Variants in FCHO2 observed in about 807,000 individuals in gnomAD.
FCHO2 encodes FCH and mu domain containing endocytic adaptor 2.
Under a neutral mutation model 114.1 loss-of-function variants are expected in FCHO2, and 43 were observed. That is an observed-to-expected ratio of 0.38 (90% confidence interval 0.30 to 0.49). The LOEUF is 0.49. Ranked by LOEUF, FCHO2 falls within the 20% of genes least tolerant of loss-of-function variation. The probability of loss-of-function intolerance (pLI) is 0.97; values close to 1 mark genes in which losing one functional copy is unlikely to be tolerated. For missense variants in FCHO2, 807 were observed against 950.4 expected (o/e 0.85, Z 1.98); for synonymous variants, 293 against 315.2 (o/e 0.93, Z 0.75).
intron 6 of FCHO2, among the ~76,000 whole-genome samples, chr5:73,011,553 A>G (rs1755014332): frequency 2.0e-5 from 3 of 152,058 alleles, no homozygotes; most frequent in African/African-American, 2.4e-5. Flanking sequence ...TATCATTAGG[A>G]TTGCTCTTTT....
intron 5 of FCHO2, among the ~76,000 whole-genome samples, chr5:73,003,980 G>A (rs890614888): frequency 2.0e-5 from 3 of 150,018 alleles, no homozygotes; most frequent in Admixed American, 1.3e-4. Context: ...TCCGGGAGGC[G>A]GAGGTTGCAG....
chr5:73,085,788 AT>A (rs1168429414), intron 24 of FCHO2, among the ~76,000 whole-genome samples: 3 of 11,616 alleles, frequency 2.6e-4, no homozygotes, highest in Non-Finnish European at 1.3e-3. Context: ...AAATAAATAA[AT>A]AAATAAATAA....
chr5:72,974,939 A>G (rs1752775408), intron 2 of FCHO2, among the ~76,000 whole-genome samples: 1 of 152,092 alleles, frequency 6.6e-6, no homozygotes, highest in South Asian at 2.1e-4. Context: ...TCTGTAAAGT[A>G]TTTTATTTCT....
At chr5:73,070,119 G>A (rs1407848908) in intron 19 of FCHO2, among the ~76,000 whole-genome samples, 1 of 152,066 alleles carries the variant, frequency 6.6e-6, no homozygotes, top group Non-Finnish European at 1.5e-5. Context: ...CCCTGGGAGT[G>A]GAACTAGCAG....
chr5:73,051,636 A>G (rs1194399266), intron 12 of FCHO2, among the ~76,000 whole-genome samples: 1 of 151,784 alleles, frequency 6.6e-6, no homozygotes. Flanking sequence ...GCACAATCTC[A>G]GCTCACTGCA....
Position 73,055,803 on chromosome 5 carries a change from ACAG to A in FCHO2, c.1211-259_1211-257del, listed in dbSNP as rs1436655931. Among the ~76,000 whole-genome samples the A allele has an allele frequency of 2.6e-5, 4 of 152,280 alleles. No individual in the cohort carries two copies. The East Asian group carries it at 5.8e-4, about 22-fold the overall frequency. ...GCAACCCATAGTTTCTCTTTTCTAA[ACAG>A]CAATTTTAATGAATATCATAGTTTA... On this transcript the variant is annotated intron_variant, in intron 15 of 25. Coordinates refer to ENST00000430046, the MANE Select transcript of FCHO2 (RefSeq NM_138782.3).
At chr5:73,037,264 T>A in intron 10 of FCHO2, 49 bp downstream of exon 10, 1 of 1,365,526 alleles carries the variant, frequency 7.3e-7, no homozygotes, top group Non-Finnish European at 1.0e-6. Flanking sequence ...TATAAGTGAT[T>A]AAGAATAAGA....
At chr5:72,961,800 A>T (rs1751889577) in intron 1 of FCHO2, among the ~76,000 whole-genome samples, 1 of 152,020 alleles carries the variant, frequency 6.6e-6, no homozygotes, top group Non-Finnish European at 1.5e-5. Flanking sequence ...CTCCATGTTG[A>T]GGCTGGTCTC....
intron 16 of FCHO2, 23 bp from the exon 17 acceptor site, chr5:73,058,410 T>C: frequency 6.7e-7 from 1 of 1,493,864 alleles, no homozygotes; most frequent in African/African-American, 1.4e-5. Flanking sequence ...TTAAAATTTT[T>C]GCTTTTAAAA....
intron 19 of FCHO2, among the ~76,000 whole-genome samples, chr5:73,073,700 C>T (rs1454002628): frequency 1.3e-5 from 2 of 152,016 alleles, no homozygotes; most frequent in African/African-American, 4.8e-5. Flanking sequence ...TGATTTTTAT[C>T]AGAATTAATA....
intron 16 of FCHO2, among the ~76,000 whole-genome samples, chr5:73,057,021 G>A (rs757916483): frequency 1.3e-5 from 2 of 151,982 alleles, no homozygotes; most frequent in South Asian, 2.1e-4. Flanking sequence ...GTGCAGTGGC[G>A]TGATCATGGC....
At chr5:73,058,688 T>TA (rs1241530102) in intron 17 of FCHO2, among the ~76,000 whole-genome samples, 164 bp downstream of exon 17, 1 of 152,164 alleles carries the variant, frequency 6.6e-6, no homozygotes, top group African/African-American at 2.4e-5. Context: ...TTCTCTTAGA[T>TA]ACTCTATGAC....
chr5:73,052,193 G>T, intron 12 of FCHO2, 139 bp from the exon 13 acceptor site: 1 of 769,150 alleles, frequency 1.3e-6, no homozygotes, highest in South Asian at 1.9e-5. Context: ...AAAGTCCTGG[G>T]ATTACAGGCG....
chr5:73,032,436 A>G (rs1031170497), intron 8 of FCHO2, among the ~76,000 whole-genome samples: 14 of 152,184 alleles, frequency 9.2e-5, no homozygotes, highest in Non-Finnish European at 2.9e-5. Context: ...TTTAGAAAAC[A>G]TAAGAGAAAT....
chr5:72,977,447 T>C (rs892474750), intron 2 of FCHO2, among the ~76,000 whole-genome samples: 2 of 152,240 alleles, frequency 1.3e-5, no homozygotes, highest in African/African-American at 2.4e-5. Context: ...TCTGTTCATA[T>C]ACTTTGCCCA....
At chr5:73,004,311 A>G (rs1269840653) in intron 5 of FCHO2, among the ~76,000 whole-genome samples, 3 of 152,162 alleles carry the variant, frequency 2.0e-5, no homozygotes, top group African/African-American at 7.2e-5. Flanking sequence ...GAACAGGGGC[A>G]GGATATTAGA....
chr5:73,075,843 T>TAAG (rs969233370), intron 20 of FCHO2, among the ~76,000 whole-genome samples: 1 of 152,146 alleles, frequency 6.6e-6, no homozygotes, highest in Non-Finnish European at 1.5e-5. Context: ...GTTTGAAGTT[T>TAAG]AAGACATCTT....
intron 5 of FCHO2, among the ~76,000 whole-genome samples, chr5:73,005,547 T>C (rs1180545381): frequency 6.6e-6 from 1 of 152,192 alleles, no homozygotes; most frequent in African/African-American, 2.4e-5. Context: ...TTGTCTTTCT[T>C]TGATCTCCTT....
At chr5:73,021,720 T>C (rs1755638401) in intron 8 of FCHO2, among the ~76,000 whole-genome samples, 1 of 152,222 alleles carries the variant, frequency 6.6e-6, no homozygotes, top group African/African-American at 2.4e-5. Context: ...GTTCTGTATT[T>C]GATTCATCTA....
Sources: gnomAD v4.1 joint callset for allele counts (sites outside exome capture counted in the v4.1 genomes callset) on GRCh38, gnomAD v4.1.1 for gene constraint, MANE v1.5 for transcripts, NCBI Gene and HGNC (gene_info 2026-07-23, HGNC 2026-07-21) for gene names.